CYBA: variants seen among roughly 807,000 people sequenced by gnomAD.
The protein encoded by CYBA is cytochrome b-245 light chain.
Under a neutral mutation model 20.8 loss-of-function variants are expected in CYBA, and 21 were observed. That is an observed-to-expected ratio of 1.01 (90% CI 0.72 to 1.46). The LOEUF is 1.46. Ranked by LOEUF, CYBA falls within the 40% of genes most tolerant of loss-of-function variation. The pLI is 0.00. For missense variants in CYBA, 344 were observed against 287.0 expected, an observed-to-expected ratio of 1.20 and a Z score of -1.43; for synonymous variants, 164 against 127.5, an observed-to-expected ratio of 1.29 and a Z score of -1.93.
At chr16:88,647,513 G>C (rs1241454399) in intron 2 of CYBA, among the ~76,000 whole-genome samples, 1 of 152,218 alleles carries the variant, frequency 6.6e-6, no homozygotes, top group Non-Finnish European at 1.5e-5. Flanking sequence ...TGCAGCCTGG[G>C]GGACAGAGCG....
chr16:88,647,920 A>G (rs1301487581), intron 2 of CYBA, 125 bp downstream of exon 2: 3 of 965,996 alleles, frequency 3.1e-6, no homozygotes, highest in Admixed American at 2.0e-5. Context: ...ACCCGTGCAC[A>G]GCCCACCCTG....
At chr16:88,644,370 A>G (rs1182121018) in intron 5 of CYBA, among the ~76,000 whole-genome samples, 3 of 152,232 alleles carry the variant, frequency 2.0e-5, no homozygotes, top group Non-Finnish European at 4.4e-5. Flanking sequence ...AGCACAGACC[A>G]TAGAGCAGGT....
Position 88,646,843 on chromosome 16 carries a change from G to T in CYBA, c.204-5C>A. On this transcript the variant is annotated splice_region_variant and splice_polypyrimidine_tract_variant and intron_variant, in intron 3 of 5. Coordinates refer to ENST00000261623, the MANE Select transcript of CYBA (RefSeq NM_000101.4). ...GCGGTCATGTACTTCTGTCCCCTGG[G>T]GGAGGGAGGAAGGCGAGACGGCGCG... is the stretch of plus-strand genomic sequence containing the variant. The T allele has an allele frequency of 6.2e-7, 1 of 1,611,724 alleles. No homozygotes were observed. The highest frequency in any genetic ancestry group is 8.5e-7 in the Non-Finnish European group (1 of 1,178,144).
chr16:88,644,550 C>T (rs1274756775), intron 5 of CYBA, among the ~76,000 whole-genome samples: 2 of 152,226 alleles, frequency 1.3e-5, no homozygotes, highest in East Asian at 1.9e-4. Context: ...TCAGGCCGGG[C>T]GCGGTGGCTC....
In CYBA at chr16:88,645,521, C is replaced by T. The variant is rs549642172; in HGVS notation, c.369+595G>A. 117 of 670,856 alleles carry T rather than the reference C, an allele frequency of 1.7e-4. 2 individuals carry two copies. The South Asian group carries it at 1.8e-3, about 10-fold the overall frequency. The allele number at this position is 670,856 out of a possible 1,614,324, so 41.6% of individuals were successfully genotyped here. ...AGAGGTGGCCTGCAGCCGTCTGTTC[C>T]GGAGCCCAGGGCAGGCAGAGGGCAT... On this transcript the variant is annotated intron_variant, in intron 5 of 5. Transcript: ENST00000261623.
chr16:88,650,806 C>A, intron 1 of CYBA, 150 bp downstream of exon 1: 1 of 803,352 alleles, frequency 1.2e-6, no homozygotes. Flanking sequence ...GGTCCCGCCC[C>A]CGTTCCCCGC....
chr16:88,646,611 A>G (rs761270367), intron 4 of CYBA, 144 bp downstream of exon 4: 1 of 768,830 alleles, frequency 1.3e-6, no homozygotes, highest in South Asian at 1.4e-5. Flanking sequence ...GCCCTGCCAG[A>G]GCCAGGGACC....
intron 1 of CYBA, 84 bp downstream of exon 1, chr16:88,650,871 AC>A (rs1907499141): frequency 7.0e-7 from 1 of 1,426,446 alleles, no homozygotes; most frequent in Admixed American, 2.0e-5. Context: ...CCACTTCCCC[AC>A]CCTGTAAGTA....
chr16:88,650,622 G>A (rs1336709920), intron 1 of CYBA: 13 of 532,966 alleles, frequency 2.4e-5, no homozygotes, highest in South Asian at 3.2e-5. Flanking sequence ...GCTTCGGGGC[G>A]GTGACCCCGG....
chr16:88,647,876 C>A (rs991098946), intron 2 of CYBA, 169 bp downstream of exon 2: 3 of 679,916 alleles, frequency 4.4e-6, no homozygotes, highest in African/African-American at 3.5e-5. Context: ...ATGGTCCTGG[C>A]GAGGGGCCTG....
chr16:88,643,593 A>C lies in CYBA; in HGVS notation c.370-22T>G. ...CCGCCTGCGGGGCACTGAAGGGTTG[A>C]GCCGCGCCCCAGCGCCCGCCCTCCC... On this transcript the variant is annotated intron_variant, in intron 5 of 5. Transcript: ENST00000261623. This position sits in a 1 kb window ranked among gnomAD's most constrained non-coding sequence, Gnocchi z 4.3. 6.5e-7 allele frequency: 1 copy of C among 1,529,228 alleles called. No individual in the cohort carries two copies. Among genetic ancestry groups the C allele is most frequent in the Non-Finnish European group, 8.7e-7 (1 of 1,142,988 alleles). 94.7% of individuals were successfully genotyped at this position (1,529,228 alleles called of 1,614,324 possible). A position where few individuals can be genotyped will look rare whatever the true frequency, so the allele number is the denominator to read the frequency against.
At chr16:88,645,313 C>T (rs759017385) in intron 5 of CYBA, 1 of 702,458 alleles carries the variant, frequency 1.4e-6, no homozygotes. Flanking sequence ...AAACAGAACT[C>T]CACTTCCATA....
chr16:88,643,352 G>T lies in CYBA; in HGVS notation c.*1C>A. 1 of 1,519,776 alleles carries T rather than the reference G, an allele frequency of 6.6e-7. No homozygotes were observed. Among genetic ancestry groups the T allele is most frequent in the East Asian group, 2.6e-5 (1 of 38,918 alleles). The allele number at this position is 1,519,776 out of a possible 1,614,324, so 94.1% of individuals were successfully genotyped here. A position where few individuals can be genotyped will look rare whatever the true frequency, so the allele number is the denominator to read the frequency against. On this transcript the variant is annotated 3_prime_UTR_variant, in exon 6 of 6. Transcript: ENST00000261623. The surrounding 1 kb of genome is among the most constrained non-coding windows in gnomAD (Gnocchi z 4.3). ...GGCGGGAGGGCAGGTCCGGGGCGAG[G>T]TCACACGACCTCGTCGGTCACCGGG... is the stretch of plus-strand genomic sequence containing the variant.
chr16:88,646,521 C>G (rs1335644113), intron 4 of CYBA: 2 of 699,520 alleles, frequency 2.9e-6, no homozygotes, highest in Non-Finnish European at 5.2e-6. Context: ...CATGCTGACC[C>G]CAGACCCTGG....
Position 88,647,930 on chromosome 16 carries a change from G to C in CYBA, c.128+115C>G, listed in dbSNP as rs896893574. ...GCCCAACCCGTGCACAGCCCACCCTGTGTCCCAGCCTGGCTGCGGTGGTGG... is the reference window on the plus strand; with the variant it reads ...GCCCAACCCGTGCACAGCCCACCCTCTGTCCCAGCCTGGCTGCGGTGGTGG... On this transcript the variant is annotated intron_variant, in intron 2 of 5. Transcript: ENST00000261623. 14 of 1,046,226 alleles carry C rather than the reference G, an allele frequency of 1.3e-5. No homozygotes were observed. In the Admixed American group the frequency reaches 1.6e-4, roughly 12 times the overall value. 64.8% of individuals were successfully genotyped at this position (1,046,226 alleles called of 1,614,324 possible).
chr16:88,643,529 G>C lies in CYBA; in HGVS notation c.412C>G (p.Pro138Ala). 1 of 1,535,196 alleles carries C rather than the reference G, an allele frequency of 6.5e-7. No homozygotes were observed. The highest frequency in any genetic ancestry group is 8.7e-7 in the Non-Finnish European group (1 of 1,146,818). Residue 138 changes from proline to alanine, a missense_variant, in exon 6 of 6, where the codon CCC becomes GCC. Pro to Ala is a conservative substitution (Grantham distance 27, BLOSUM62 -1). Transcript: ENST00000261623. The surrounding 1 kb of genome is among the most constrained non-coding windows in gnomAD (Gnocchi z 4.3). ...GEQWTPIEPKPRERPQIGGTI... is the reference protein window; with the variant it reads ...GEQWTPIEPKARERPQIGGTI... ...CCTCCGATCTGCGGCCGCTCCCGGGGCTTGGGCTCGATGGGCGTCCACTGC... is the reference window on the plus strand; with the variant it reads ...CCTCCGATCTGCGGCCGCTCCCGGGCCTTGGGCTCGATGGGCGTCCACTGC...
chr16:88,650,208 G>A (rs1311151451), intron 1 of CYBA: 1 of 367,888 alleles, frequency 2.7e-6, no homozygotes, highest in Non-Finnish European at 5.6e-6. Context: ...TGGAGCTGCT[G>A]CAGTGGTGCC....
chr16:88,645,862 G>C (rs1907257347), intron 5 of CYBA: 1 of 580,146 alleles, frequency 1.7e-6, no homozygotes, highest in Non-Finnish European at 3.1e-6. Flanking sequence ...GGGGACCCCA[G>C]TACCCCTCCC....
intron 1 of CYBA, among the ~76,000 whole-genome samples, chr16:88,649,775 T>A (rs1388548884): frequency 6.6e-6 from 1 of 152,186 alleles, no homozygotes; most frequent in Non-Finnish European, 1.5e-5. Context: ...GGGCGTCCAG[T>A]CTGGCTCTAA....
Sources: gnomAD v4.1 joint callset for allele counts (sites outside exome capture counted in the v4.1 genomes callset) on GRCh38, gnomAD v4.1.1 for gene constraint, Gnocchi (gnomAD v3.1) non-coding constraint, MANE v1.5 for transcripts, NCBI Gene and HGNC (gene_info 2026-07-23, HGNC 2026-07-21) for gene names.